Variants in ZNF385D observed in about 807,000 individuals in gnomAD.
ZNF385D encodes the protein zinc finger protein 385D.
ZNF385D carries 15 observed loss-of-function variants against 35.8 expected under a neutral mutation model. The observed-to-expected ratio is 0.42, with a 90% CI of 0.28 to 0.64. The LOEUF is 0.64. ZNF385D is among the 30% of genes least tolerant of loss of function. ZNF385D has a pLI of 0.23. For missense variants in ZNF385D, 474 were observed against 494.6 expected (o/e 0.96, Z 0.39); for synonymous variants, 212 against 186.8 (o/e 1.13, Z -1.10).
intron 3 of ZNF385D, among the ~76,000 whole-genome samples, chr3:21,775,395 TAAAAAAAATTAAA>T (rs925612372): frequency 2.0e-5 from 3 of 151,274 alleles, no homozygotes; most frequent in African/African-American, 7.3e-5. Flanking sequence ...CTCTGCTAGC[TAAAAAAAATTAAA>T]AATAAAAATA....
intron 2 of ZNF385D, among the ~76,000 whole-genome samples, chr3:22,330,151 A>G (rs1694870090): frequency 6.6e-6 from 1 of 152,162 alleles, no homozygotes; most frequent in Non-Finnish European, 1.5e-5. Flanking sequence ...TTTATTCTCA[A>G]AATTTCTCAC....
At chr3:22,197,722 T>G (rs191161068) in intron 2 of ZNF385D, among the ~76,000 whole-genome samples, 7 of 152,186 alleles carry the variant, frequency 4.6e-5, no homozygotes, top group Admixed American at 3.9e-4. Flanking sequence ...CAGCTTCCCT[T>G]CCCCTGCATT....
At chr3:21,969,169 T>C (rs139467820) in intron 3 of ZNF385D, among the ~76,000 whole-genome samples, 1 of 152,164 alleles carries the variant, frequency 6.6e-6, no homozygotes, top group African/African-American at 2.4e-5. Context: ...AACTTTTTTG[T>C]GTGACTTGGG....
intron 3 of ZNF385D, among the ~76,000 whole-genome samples, chr3:22,010,888 T>C (rs377176266): frequency 9.8e-5 from 15 of 152,296 alleles, no homozygotes; most frequent in Admixed American, 6.5e-4. Flanking sequence ...CAATTTTTTC[T>C]TTCCCTTTTT....
intron 3 of ZNF385D, among the ~76,000 whole-genome samples, chr3:21,810,580 A>G (rs2072873634): frequency 1.3e-5 from 2 of 152,106 alleles, no homozygotes; most frequent in Admixed American, 6.6e-5. Flanking sequence ...ATTTTTATTA[A>G]TAAAATATAA....
chr3:22,118,052 A>G lies in ZNF385D; in HGVS notation c.325+50765T>C, dbSNP rs1702898788. ...TGTGATTTGTAACAGACGCACAATT[A>G]AATAAGTATTTTTATGCAGAATATC... On this transcript the variant is annotated intron_variant, in intron 3 of 5. Transcript: ENST00000494108. 2.0e-5 allele frequency among the ~76,000 whole-genome samples: 3 copies of G among 152,108 alleles called. No individual in the cohort carries two copies. In the South Asian group the frequency reaches 6.2e-4, roughly 31 times the overall value.
chr3:21,791,324 C>T (rs867097289), intron 3 of ZNF385D, among the ~76,000 whole-genome samples: 2 of 152,026 alleles, frequency 1.3e-5, no homozygotes, highest in South Asian at 4.1e-4. Context: ...CCTTCAGTGG[C>T]TCAAAGTAAG....
intron 3 of ZNF385D, among the ~76,000 whole-genome samples, chr3:21,906,800 G>A (rs1699706496): frequency 6.6e-6 from 1 of 152,164 alleles, no homozygotes; most frequent in African/African-American, 2.4e-5. Context: ...GTATGACCAG[G>A]TGAGATAACT....
intron 3 of ZNF385D, among the ~76,000 whole-genome samples, chr3:22,104,538 AT>A (rs111903984): frequency 0.038 from 5,720 of 150,824 alleles, 120 homozygotes; most frequent in African/African-American, 0.043. Context: ...TTTGGCAGAC[AT>A]TTTTTTTTGC....
intron 3 of ZNF385D, among the ~76,000 whole-genome samples, chr3:21,762,157 G>A (rs535426099): frequency 1.3e-4 from 20 of 152,144 alleles, no homozygotes; most frequent in African/African-American, 2.2e-4. Flanking sequence ...GATTACAGGC[G>A]TGAGTCGCTG....
At chr3:21,931,683 G>A (rs9814232) in intron 3 of ZNF385D, among the ~76,000 whole-genome samples, 40,346 of 152,022 alleles carry the variant, frequency 0.27, 6,167 homozygotes, top group Admixed American at 0.41. Context: ...GGATGCCTTC[G>A]GCTGGGGTGA....
intron 3 of ZNF385D, among the ~76,000 whole-genome samples, chr3:22,048,334 A>C (rs1252358490): frequency 6.6e-6 from 1 of 152,150 alleles, no homozygotes; most frequent in African/African-American, 2.4e-5. Context: ...ATCAATGCCC[A>C]AACCAGTATC....
chr3:22,246,807 T>A (rs147227805), intron 2 of ZNF385D, among the ~76,000 whole-genome samples: 1 of 152,290 alleles, frequency 6.6e-6, no homozygotes, highest in African/African-American at 2.4e-5. Flanking sequence ...AAGCCTTTTT[T>A]ACTTTTCCCT....
At chr3:21,772,997 A>G (rs2071138613) in intron 3 of ZNF385D, among the ~76,000 whole-genome samples, 1 of 151,938 alleles carries the variant, frequency 6.6e-6, no homozygotes, top group African/African-American at 2.4e-5. Flanking sequence ...AGGTACTTAG[A>G]GTAGTCAAAA....
intron 2 of ZNF385D, among the ~76,000 whole-genome samples, chr3:22,261,954 T>C (rs1270219187): frequency 6.6e-6 from 1 of 152,046 alleles, no homozygotes; most frequent in African/African-American, 2.4e-5. Context: ...CTTAATTACC[T>C]ATTTGAGTGT....
At chr3:21,475,900 T>C (rs997913819) in intron 4 of ZNF385D, among the ~76,000 whole-genome samples, 1 of 152,152 alleles carries the variant, frequency 6.6e-6, no homozygotes, top group Non-Finnish European at 1.5e-5. Flanking sequence ...CAGTGCATTA[T>C]TATGTAGGGA....
intron 2 of ZNF385D, among the ~76,000 whole-genome samples, chr3:22,320,654 T>C (rs1415518887): frequency 1.3e-5 from 2 of 150,494 alleles, no homozygotes; most frequent in South Asian, 2.1e-4. Flanking sequence ...ACCAGAATTC[T>C]ATCACAATAT....
intron 2 of ZNF385D, among the ~76,000 whole-genome samples, chr3:22,268,487 C>G (rs753688311): frequency 6.6e-6 from 1 of 151,920 alleles, no homozygotes; most frequent in Non-Finnish European, 1.5e-5. Context: ...ATAAATCTGG[C>G]TTTGCAGGTC....
At chr3:22,099,293 A>C (rs2125620536) in intron 3 of ZNF385D, among the ~76,000 whole-genome samples, 1 of 152,258 alleles carries the variant, frequency 6.6e-6, no homozygotes, top group African/African-American at 2.4e-5. Flanking sequence ...ACACTGTGAA[A>C]GTTGAGTAGA....
Sources: allele counts gnomAD v4.1 joint callset (sites outside exome capture counted in the v4.1 genomes callset), GRCh38; gene constraint gnomAD v4.1.1; transcripts MANE v1.5; gene names NCBI Gene and HGNC (gene_info 2026-07-23, HGNC 2026-07-21).